CTTNBP2NL: variants seen among roughly 807,000 people sequenced by gnomAD.
CTTNBP2NL encodes CTTNBP2 N-terminal like.
In CTTNBP2NL, 16 loss-of-function variants were observed where a neutral mutation model predicts 32.5. That is an observed-to-expected ratio of 0.49 (90% CI 0.33 to 0.75). CTTNBP2NL has a LOEUF of 0.75. CTTNBP2NL is among the 30% of genes least tolerant of loss of function. CTTNBP2NL has a pLI of 0.02. For missense variants in CTTNBP2NL, 645 were observed against 756.0 expected, an observed-to-expected ratio of 0.85 and a Z score of 1.72; for synonymous variants, 298 against 289.4, an observed-to-expected ratio of 1.03 and a Z score of -0.30.
chr1:112,391,445 C>A (rs953934467), upstream of CTTNBP2NL, among the ~76,000 whole-genome samples: 9 of 152,184 alleles, frequency 5.9e-5, no homozygotes, highest in Admixed American at 2.0e-4. Flanking sequence ...TAGAAGGAGC[C>A]TTATGGAGTC....
chr1:112,412,409 T>G (rs557004020), intron 2 of CTTNBP2NL, 92 bp downstream of exon 2: 4 of 152,224 alleles, frequency 2.6e-5, no homozygotes, highest in African/African-American at 9.6e-5. Context: ...GGCAAAAATT[T>G]ATTGCAGTGT....
chr1:112,442,493 C>G lies in CTTNBP2NL; in HGVS notation c.100-6449C>G, dbSNP rs1319035376. Among the ~76,000 whole-genome samples the G allele has an allele frequency of 2.0e-5, 3 of 152,118 alleles. No homozygotes were observed. In the East Asian group the frequency reaches 5.8e-4, roughly 29 times the overall value. On this transcript the variant is annotated intron_variant, in intron 3 of 5. Coordinates refer to ENST00000271277, the MANE Select transcript of CTTNBP2NL (RefSeq NM_018704.3). ...CTTGTTGAATTCCTAAACACATTTT[C>G]TTCCCCACCTCAAAAAGTTATTCTT...
chr1:112,407,840 CT>C (rs869134559), intron 1 of CTTNBP2NL, among the ~76,000 whole-genome samples: 1,759 of 96,056 alleles, frequency 0.018, 32 homozygotes, highest in African/African-American at 0.066. Flanking sequence ...TTTTTTCTTT[CT>C]TTTTTTTTTT....
At chr1:112,446,195 T>TG (rs201455781) in intron 3 of CTTNBP2NL, among the ~76,000 whole-genome samples, 916 of 41,358 alleles carry the variant, frequency 0.022, 11 homozygotes, top group East Asian at 0.18. Context: ...CCTAAAAAAG[T>TG]GGAAAAAAAA....
intron 3 of CTTNBP2NL, among the ~76,000 whole-genome samples, chr1:112,445,011 T>A (rs1448466233): frequency 6.6e-6 from 1 of 152,220 alleles, no homozygotes; most frequent in African/African-American, 2.4e-5. Context: ...ACATTGGGAC[T>A]TCCATCTTGG....
At chr1:112,394,060 G>A (rs182498166), upstream of CTTNBP2NL, among the ~76,000 whole-genome samples, 1 of 152,192 alleles carries the variant, frequency 6.6e-6, no homozygotes, top group East Asian at 1.9e-4. Flanking sequence ...ATAAAAATTA[G>A]CTGGGCACAG....
intron 3 of CTTNBP2NL, among the ~76,000 whole-genome samples, chr1:112,440,514 A>C (rs1477107169): frequency 6.6e-6 from 1 of 152,214 alleles, no homozygotes; most frequent in Admixed American, 6.5e-5. Context: ...CCCAGGGTAC[A>C]CACCTATATT....
At chr1:112,421,735 G>C (rs969091363) in intron 3 of CTTNBP2NL, among the ~76,000 whole-genome samples, 1 of 151,972 alleles carries the variant, frequency 6.6e-6, no homozygotes, top group Non-Finnish European at 1.5e-5. Flanking sequence ...TTTTCTTATG[G>C]GAATTGACAG....
chr1:112,401,027 T>G (rs575768877), intron 1 of CTTNBP2NL, among the ~76,000 whole-genome samples: 1 of 146,474 alleles, frequency 6.8e-6, no homozygotes, highest in Admixed American at 6.8e-5. Context: ...CGTGCACATA[T>G]CACAAAGCAA....
upstream of CTTNBP2NL, chr1:112,396,164 C>A (rs1182968590): frequency 1.3e-5 from 2 of 152,430 alleles, no homozygotes; most frequent in South Asian, 2.1e-4. Flanking sequence ...AGGCGATTGG[C>A]GCTGGTGAAT....
chr1:112,408,369 G>C (rs1439792728), intron 1 of CTTNBP2NL, among the ~76,000 whole-genome samples: 1 of 151,774 alleles, frequency 6.6e-6, no homozygotes, highest in Non-Finnish European at 1.5e-5. Context: ...GTGGCACATT[G>C]ACATGTTTTA....
chr1:112,412,936 A>G (rs1648925814), intron 2 of CTTNBP2NL, among the ~76,000 whole-genome samples: 1 of 152,058 alleles, frequency 6.6e-6, no homozygotes, highest in South Asian at 2.1e-4. Context: ...GTTGGGACAT[A>G]TTAGTGAAAT....
intron 1 of CTTNBP2NL, among the ~76,000 whole-genome samples, chr1:112,397,950 ACAGGTCTTCT>A (rs1648379122): frequency 2.0e-5 from 3 of 152,340 alleles, no homozygotes; most frequent in Admixed American, 1.3e-4. Context: ...CTCGGTGCTC[ACAGGTCTTCT>A]CAGTGATTGT....
At chr1:112,435,161 A>G (rs1649694188) in intron 3 of CTTNBP2NL, among the ~76,000 whole-genome samples, 1 of 151,010 alleles carries the variant, frequency 6.6e-6, no homozygotes, top group African/African-American at 2.4e-5. Context: ...AAAAAAAAAA[A>G]AAGAAGTGTA....
Position 112,459,129 on chromosome 1 carries a change from C to T in CTTNBP2NL, c.*1717C>T, listed in dbSNP as rs112335044. 33 of 152,188 alleles carry T rather than the reference C, an allele frequency of 2.2e-4. No individual in the cohort carries two copies. Among genetic ancestry groups the T allele is most frequent in the African/African-American group, 7.7e-4 (32 of 41,438 alleles). 9.4% of individuals were successfully genotyped at this position (152,188 alleles called of 1,614,324 possible). The stretch of plus-strand genomic sequence containing the variant: ...TTAAATGGTGCTGGTTAAACAAACA[C>T]GTCTGCAGCTGGATTTAGCTTGCAA... On this transcript the variant is annotated 3_prime_UTR_variant, in exon 6 of 6. Transcript: ENST00000271277.
chr1:112,419,997 G>C lies in CTTNBP2NL; in HGVS notation c.99+3733G>C, dbSNP rs576135235. On this transcript the variant is annotated intron_variant, in intron 3 of 5. Transcript: ENST00000271277. ...CAATTTCTGTCTAGTTCCCAACTGGGATATTAGGGTGGGAGCAGAACTTTA... is the reference window on the plus strand; with the variant it reads ...CAATTTCTGTCTAGTTCCCAACTGGCATATTAGGGTGGGAGCAGAACTTTA... Among the ~76,000 whole-genome samples, 111 of 152,288 alleles carry C rather than the reference G, an allele frequency of 7.3e-4. 1 individual carries two copies. In the South Asian group the frequency reaches 0.022, roughly 31 times the overall value.
rs138395980 is a variant in CTTNBP2NL, at chr1:112,456,926, C to T, written c.1434C>T (p.Gly478=). 30 of 1,613,998 alleles carry T rather than the reference C, an allele frequency of 1.9e-5. No individual in the cohort carries two copies. In the African/African-American group the frequency reaches 3.7e-4, roughly 20 times the overall value. ...CAGATCAGGACCAACAAGCCAGTGG[C>T]CTACAGAGCCCTCCATCCAGGGATT... ...SQADQDQQAS[G]LQSPPSRDLS... The change falls in exon 6 of 6, where the codon GGC becomes GGT. Residue 478 remains glycine, a synonymous_variant. Coordinates refer to ENST00000271277, the MANE Select transcript of CTTNBP2NL (RefSeq NM_018704.3).
upstream of CTTNBP2NL, among the ~76,000 whole-genome samples, chr1:112,393,841 T>A: frequency 6.6e-6 from 1 of 152,122 alleles, no homozygotes; most frequent in East Asian, 1.9e-4. Flanking sequence ...CACAGAGCAC[T>A]GCTCCCACCC....
intron 1 of CTTNBP2NL, among the ~76,000 whole-genome samples, chr1:112,397,169 A>C (rs1445504107): frequency 1.3e-5 from 2 of 152,356 alleles, no homozygotes; most frequent in East Asian, 3.9e-4. Context: ...GTTGCTTGAC[A>C]GTCAATGAAT....
Sources: gnomAD v4.1 joint callset for allele counts (sites outside exome capture counted in the v4.1 genomes callset) on GRCh38, gnomAD v4.1.1 for gene constraint, MANE v1.5 for transcripts, NCBI Gene and HGNC (gene_info 2026-07-23, HGNC 2026-07-21) for gene names.